The following TENM3 variants were observed in gnomAD, a reference collection of about 807,000 sequenced individuals.
The protein encoded by TENM3 is teneurin transmembrane protein 3.
In TENM3, 63 loss-of-function variants were observed where a neutral mutation model predicts 255.1. That is an observed-to-expected ratio of 0.25 (90% CI 0.20 to 0.30). TENM3 has a LOEUF of 0.30. Among genes scored for constraint, TENM3 ranks in the 10% least tolerant of loss-of-function variants. TENM3 has a pLI of 1.00. For synonymous variants in TENM3, 1,306 were observed against 1,322.3 expected, an observed-to-expected ratio of 0.99 and a Z score of 0.27; for missense variants, 2,929 against 3,461.1, an observed-to-expected ratio of 0.85 and a Z score of 3.86.
intron 3 of TENM3, among the ~76,000 whole-genome samples, chr4:182,442,922 G>A (rs1195271037): frequency 4.7e-5 from 7 of 150,136 alleles, no homozygotes; most frequent in Non-Finnish European, 1.5e-5. Flanking sequence ...ATGTAGTTTC[G>A]CCATGTTGCT....
At chr4:181,782,166 T>C in the TENM3 span, among the ~76,000 whole-genome samples, 1 of 152,218 alleles carries the variant, frequency 6.6e-6, no homozygotes, top group Admixed American at 6.5e-5. Context: ...CCTCTTTTTC[T>C]ATTGATTGGA....
chr4:181,535,320 C>G, the TENM3 span, among the ~76,000 whole-genome samples: 1 of 152,232 alleles, frequency 6.6e-6, no homozygotes, highest in East Asian at 1.9e-4. Context: ...TGTATCCTTC[C>G]CATATCACCA....
At chr4:182,482,554 G>A (rs1734303801) in intron 3 of TENM3, among the ~76,000 whole-genome samples, 1 of 152,230 alleles carries the variant, frequency 6.6e-6, no homozygotes, top group Middle Eastern at 3.4e-3. Context: ...CTGCACTGTA[G>A]GTTAGAATAC....
chr4:181,673,834 C>T, the TENM3 span, among the ~76,000 whole-genome samples: 1 of 146,882 alleles, frequency 6.8e-6, no homozygotes, highest in East Asian at 2.1e-4. Context: ...CTTGGAAAGT[C>T]AGAAGTGTGT....
At chr4:182,470,709 C>T (rs1326698623) in intron 3 of TENM3, among the ~76,000 whole-genome samples, 2 of 152,104 alleles carry the variant, frequency 1.3e-5, no homozygotes, top group South Asian at 4.2e-4. Flanking sequence ...TAGGGTGTAT[C>T]CATTATGTAG....
chr4:181,589,813 C>G, the TENM3 span, among the ~76,000 whole-genome samples: 4 of 152,124 alleles, frequency 2.6e-5, no homozygotes, highest in Admixed American at 1.3e-4. Context: ...TAATAAAGAC[C>G]GTACGTGATT....
chr4:181,973,540 T>C, the TENM3 span, among the ~76,000 whole-genome samples: 6 of 152,024 alleles, frequency 3.9e-5, no homozygotes, highest in South Asian at 6.2e-4. Context: ...CTGGGAAACA[T>C]AGTAGTTTGA....
intron 15 of TENM3, 92 bp from the exon 16 acceptor site, chr4:182,730,786 T>A: frequency 7.3e-7 from 1 of 1,377,586 alleles, no homozygotes; most frequent in Non-Finnish European, 9.8e-7. Context: ...AAAAGTTGAT[T>A]TTCTTTATAA....
chr4:182,541,659 A>C (rs1385170158), intron 3 of TENM3, among the ~76,000 whole-genome samples: 1 of 152,226 alleles, frequency 6.6e-6, no homozygotes, highest in Non-Finnish European at 1.5e-5. Flanking sequence ...TTCAGCACTT[A>C]ATATGATGGA....
In TENM3 at chr4:182,751,930, G is replaced by T. The variant is rs1405436786; in HGVS notation, c.3760G>T (p.Ala1254Ser). Residue 1254 changes from alanine to serine, a missense_variant, in exon 20 of 28, where the codon GCA becomes TCA. Physicochemically the swap from Ala to Ser is moderately conservative, Grantham distance 99. Coordinates refer to ENST00000511685, the MANE Select transcript of TENM3 (RefSeq NM_001080477.4). ...GGGGGCAAAAGACTTGACTAAAAAT[G>T]CAGAAGTCGTCGCAGGGACAGGGGA... is the stretch of plus-strand genomic sequence containing the variant. ...LTGAKDLTKN[A>S]EVVAGTGEQC... The T allele has an allele frequency of 6.2e-7, 1 of 1,613,930 alleles. No homozygotes were observed. Among genetic ancestry groups the T allele is most frequent in the East Asian group, 2.2e-5 (1 of 44,860 alleles).
At chr4:181,883,366 T>C in the TENM3 span, among the ~76,000 whole-genome samples, 1 of 152,194 alleles carries the variant, frequency 6.6e-6, no homozygotes, top group South Asian at 2.1e-4. Context: ...ACAAACTTAA[T>C]GAGTATACCC....
At chr4:181,652,624 C>T in the TENM3 span, among the ~76,000 whole-genome samples, 1 of 152,192 alleles carries the variant, frequency 6.6e-6, no homozygotes, top group African/African-American at 2.4e-5. Flanking sequence ...CTCATGCATC[C>T]TGACTGTGTC....
At chr4:181,966,281 G>A in the TENM3 span, among the ~76,000 whole-genome samples, 6 of 152,142 alleles carry the variant, frequency 3.9e-5, no homozygotes, top group African/African-American at 9.7e-5. Context: ...CATTCAGTTT[G>A]GGGTGGTGGG....
the TENM3 span, among the ~76,000 whole-genome samples, chr4:181,805,585 G>A: frequency 1.6e-5 from 2 of 126,712 alleles, no homozygotes; most frequent in Admixed American, 8.9e-5. Context: ...AACAAACGCC[G>A]TGTGTGCACT....
the TENM3 span, among the ~76,000 whole-genome samples, chr4:181,694,767 C>T: frequency 6.6e-6 from 1 of 152,190 alleles, no homozygotes; most frequent in South Asian, 2.1e-4. Flanking sequence ...TTGTTCAACC[C>T]AACTTTCTCC....
At chr4:181,496,495 T>A in the TENM3 span, among the ~76,000 whole-genome samples, 442 of 148,408 alleles carry the variant, frequency 3.0e-3, no homozygotes, top group African/African-American at 0.011. Context: ...ATTTTTGTGA[T>A]AAAATAAAAT....
the TENM3 span, among the ~76,000 whole-genome samples, chr4:181,629,679 A>G: frequency 6.6e-6 from 1 of 152,152 alleles, no homozygotes; most frequent in Non-Finnish European, 1.5e-5. Flanking sequence ...CATCCCAGGG[A>G]TGAAGCCCAC....
the TENM3 span, among the ~76,000 whole-genome samples, chr4:182,075,191 G>GTTTTTT: frequency 8.6e-6 from 1 of 116,706 alleles, no homozygotes; most frequent in African/African-American, 3.7e-5. Flanking sequence ...GTGGACACTT[G>GTTTTTT]TTTTTTTTCT....
chr4:181,998,665 A>C, the TENM3 span, among the ~76,000 whole-genome samples: 4,986 of 152,212 alleles, frequency 0.033, 252 homozygotes, highest in African/African-American at 0.11. Flanking sequence ...AATTTCTCCA[A>C]ATGACCTCAG....
Sources: gnomAD v4.1 joint callset for allele counts (sites outside exome capture counted in the v4.1 genomes callset) on GRCh38, gnomAD v4.1.1 for gene constraint, MANE v1.5 for transcripts, NCBI Gene and HGNC (gene_info 2026-07-23, HGNC 2026-07-21) for gene names.